The following SYNE2 variants were observed in gnomAD, a reference collection of about 807,000 sequenced individuals.
SYNE2 encodes nesprin-2.
A neutral mutation model predicts 856.3 loss-of-function variants in SYNE2; 431 were observed. That is an observed-to-expected ratio of 0.50 (90% CI 0.47 to 0.55). The LOEUF (loss-of-function observed/expected upper bound fraction) is 0.55, where lower values mean the gene tolerates loss of function less well. Ranked by LOEUF, SYNE2 falls within the 20% of genes least tolerant of loss-of-function variation. The pLI is 0.00. For missense variants in SYNE2, 8,129 were observed against 8,023.2 expected, an observed-to-expected ratio of 1.01 and a Z score of -0.50; for synonymous variants, 2,923 against 2,872.3, an observed-to-expected ratio of 1.02 and a Z score of -0.56.
intron 66 of SYNE2, among the ~76,000 whole-genome samples, chr14:64,116,965 G>A (rs1161184783): frequency 6.6e-6 from 1 of 152,190 alleles, no homozygotes; most frequent in Non-Finnish European, 1.5e-5. Context: ...TTTGTTTATA[G>A]CCACTGTACA....
At chr14:64,119,388 GAAC>G in intron 66 of SYNE2, 36 bp from the exon 67 acceptor site, 1 of 1,612,026 alleles carries the variant, frequency 6.2e-7, no homozygotes, top group Non-Finnish European at 8.5e-7. Context: ...ACTTCTTCAA[GAAC>G]AACATTATGA....
At position 63,948,780 on chromosome 14, in the gene SYNE2, GTGTATATATATATATA is replaced by G. The variant is rs1186611116; in HGVS notation, c.409-1043_409-1028del. On this transcript the variant is annotated intron_variant, in intron 6 of 115. Coordinates refer to ENST00000555002, the MANE Select transcript of SYNE2 (RefSeq NM_182914.3). Reference sequence around the variant, plus strand: ...TATATGTATATATATGTATGTGTGTGTGTATATATATATATATATATATATATATATATATATATAT... The same window carrying G: ...TATATGTATATATATGTATGTGTGTGTATATATATATATATATATATATAT... Among the ~76,000 whole-genome samples the G allele has an allele frequency of 2.0e-4, 16 of 81,992 alleles. No individual in the cohort carries two copies. The East Asian group carries it at 2.1e-3, about 11-fold the overall frequency. The allele number at this position is 81,992 out of a possible 152,430, so 53.8% of individuals were successfully genotyped here. A position where few individuals can be genotyped will look rare whatever the true frequency, so the allele number is the denominator to read the frequency against.
At position 64,010,085 on chromosome 14, in the gene SYNE2, GAAAGGAGAACCTGAAGA is replaced by G. The variant is rs779747866; in HGVS notation, c.4704_4720del (p.Glu1568AspfsTer5). 1 of 1,613,616 alleles carries G rather than the reference GAAAGGAGAACCTGAAGA, an allele frequency of 6.2e-7. No individual in the cohort carries two copies. The highest frequency in any genetic ancestry group is 1.1e-5 in the South Asian group (1 of 90,954). ...ATCTCCCTGCAGGCTTCGTACATGGGAAAGGAGAACCTGAAGAAAAGGATAGCAGAGGTGAGTCCAGG... is the reference window on the plus strand; with the variant it reads ...ATCTCCCTGCAGGCTTCGTACATGGGAAAGGATAGCAGAGGTGAGTCCAGG... On this transcript the variant is annotated frameshift_variant, in exon 32 of 116. Transcript: ENST00000555002. LOFTEE classifies it high-confidence loss of function.
chr14:63,988,118 C>G (rs1370588963), intron 19 of SYNE2, among the ~76,000 whole-genome samples: 2 of 152,196 alleles, frequency 1.3e-5, no homozygotes, highest in African/African-American at 2.4e-5. Context: ...GGGTTCTGCT[C>G]TGTCACCCAG....
At chr14:64,111,009 T>C (rs2097801809) in intron 65 of SYNE2, among the ~76,000 whole-genome samples, 1 of 152,116 alleles carries the variant, frequency 6.6e-6, no homozygotes, top group Admixed American at 6.6e-5. Context: ...GCAGCTTGCT[T>C]ATTTCCTCAT....
rs974577694 is a variant in SYNE2, at chr14:63,921,651, T to A, written c.79+12424T>A. Among the ~76,000 whole-genome samples the A allele has an allele frequency of 4.6e-5, 7 of 152,198 alleles. No individual in the cohort carries two copies. In the East Asian group the frequency reaches 1.3e-3, roughly 29 times the overall value. ...CATTAGGTTCAACAATGGAAATACG[T>A]AAGTGGCCTAGGTGAGAATTAGGTA... is the stretch of plus-strand genomic sequence containing the variant. On this transcript the variant is annotated intron_variant, in intron 2 of 115. Coordinates refer to ENST00000555002, the MANE Select transcript of SYNE2 (RefSeq NM_182914.3).
chr14:64,111,132 G>T (rs541933390), intron 65 of SYNE2, among the ~76,000 whole-genome samples: 1 of 148,914 alleles, frequency 6.7e-6, no homozygotes, highest in Non-Finnish European at 1.5e-5. Flanking sequence ...TTGAGAGGCC[G>T]AGGCAGGAGG....
In SYNE2 at chr14:64,049,772, A is replaced by G. The variant is rs1310954703; in HGVS notation, c.7539A>G (p.Lys2513=). The change falls in exon 47 of 116, where the codon AAA becomes AAG. Residue 2513 remains lysine (K), a synonymous_variant. Transcript: ENST00000555002. ...TTCAGGCACTTATTACTTTGAAGAA[A>G]AACAAAGAAAGCCAATATTGTGTCC... ...NLLQALITLK[K]NKESQYCVLR... 6.2e-7 allele frequency: 1 copy of G among 1,614,152 alleles called. No homozygotes were observed. The highest frequency in any genetic ancestry group is 2.2e-5 in the East Asian group (1 of 44,870).
At chr14:63,989,149 A>C (rs1394702587) in intron 19 of SYNE2, among the ~76,000 whole-genome samples, 1 of 152,248 alleles carries the variant, frequency 6.6e-6, no homozygotes, top group East Asian at 1.9e-4. Context: ...TGGCATTTTT[A>C]AAATTGAATT....
chr14:64,031,484 A>G (rs367846924), intron 45 of SYNE2, 127 bp downstream of exon 45: 13 of 845,832 alleles, frequency 1.5e-5, no homozygotes, highest in Admixed American at 2.2e-5. Flanking sequence ...CTGGCTATTT[A>G]TGAAGCCTAC....
At chr14:64,133,245 T>C (rs1177960412) in intron 77 of SYNE2, among the ~76,000 whole-genome samples, 2 of 151,948 alleles carry the variant, frequency 1.3e-5, no homozygotes, top group Non-Finnish European at 2.9e-5. Context: ...TTTAACTTGA[T>C]AGTGTAATAT....
chr14:64,186,312 C>T (rs563486635), intron 96 of SYNE2, 112 bp from the exon 97 acceptor site: 2 of 1,416,502 alleles, frequency 1.4e-6, no homozygotes, highest in East Asian at 4.6e-5. Flanking sequence ...GTCCCTCCCT[C>T]TCTCCTGGCC....
chr14:64,127,976 A>G (rs151119448), intron 73 of SYNE2, among the ~76,000 whole-genome samples: 4 of 152,346 alleles, frequency 2.6e-5, no homozygotes, highest in African/African-American at 9.6e-5. Flanking sequence ...TCTAAGATGT[A>G]TTTATCCATC....
rs748011744 is a variant in SYNE2 at position 63,978,953 on chromosome 14, A to G, written c.1508A>G (p.Asp503Gly). 2 of 1,613,726 alleles carry G rather than the reference A, an allele frequency of 1.2e-6. No homozygotes were observed. Among genetic ancestry groups the G allele is most frequent in the Non-Finnish European group, 1.7e-6 (2 of 1,179,742 alleles). The change falls in exon 14 of 116, where the codon GAT (aspartate) becomes GGT (glycine). Residue 503 changes from aspartate to glycine, a missense_variant. By Grantham distance (94) the Asp-to-Gly change is moderately conservative. This residue lies in a region of SYNE2 where 2,422 missense variants were observed against 2,357.4 expected (regional missense o/e 1.03). Coordinates refer to ENST00000555002, the MANE Select transcript of SYNE2 (RefSeq NM_182914.3). Reference sequence around the variant, plus strand: ...GTAGATGAAGTGAAATCAAAATTGGATATTTGGAACATTAAATATGGGAGC... The same window carrying G: ...GTAGATGAAGTGAAATCAAAATTGGGTATTTGGAACATTAAATATGGGAGC... ...GLVDEVKSKL[D>G]IWNIKYGSRE...
At chr14:64,044,030 C>G (rs185186359) in intron 45 of SYNE2, among the ~76,000 whole-genome samples, 1 of 152,216 alleles carries the variant, frequency 6.6e-6, no homozygotes, top group South Asian at 2.1e-4. Context: ...GCAAATGCCA[C>G]TGTCCTCCAG....
Position 64,081,206 on chromosome 14 carries a change from AG to A in SYNE2, c.11347-235del, listed in dbSNP as rs548732290. Reference sequence around the variant, plus strand: ...GCAAGGCTAACCCAGAACTTTGCTGAGGCCCATAACGTTGGAGTAGAACTGA... The same window carrying A: ...GCAAGGCTAACCCAGAACTTTGCTGAGCCCATAACGTTGGAGTAGAACTGA... On this transcript the variant is annotated intron_variant, in intron 56 of 115. Coordinates refer to ENST00000555002, the MANE Select transcript of SYNE2 (RefSeq NM_182914.3). 8.3e-4 allele frequency among the ~76,000 whole-genome samples: 126 copies of A among 152,348 alleles called. 2 individuals are homozygous for A. The South Asian group carries it at 0.023, about 28-fold the overall frequency.
chr14:64,087,113 G>T (rs199733891), intron 57 of SYNE2, among the ~76,000 whole-genome samples: 1 of 37,830 alleles, frequency 2.6e-5, no homozygotes, highest in Admixed American at 2.4e-4. Flanking sequence ...AAAAAAAAAA[G>T]CATTGGTTTT....
intron 80 of SYNE2, among the ~76,000 whole-genome samples, 178 bp from the exon 81 acceptor site, chr14:64,141,163 C>G (rs1401201860): frequency 6.6e-6 from 1 of 152,060 alleles, no homozygotes; most frequent in Non-Finnish European, 1.5e-5. Context: ...CATTCCATCT[C>G]TTTTGTTCCC....
intron 36 of SYNE2, 69 bp from the exon 37 acceptor site, chr14:64,021,788 A>G (rs908822177): frequency 6.5e-6 from 10 of 1,530,730 alleles, no homozygotes; most frequent in African/African-American, 2.7e-5. Context: ...AACAATTGAG[A>G]TCTAATATGC....
Sources: allele counts gnomAD v4.1 joint callset (sites outside exome capture counted in the v4.1 genomes callset), GRCh38; gene constraint gnomAD v4.1.1; regional missense constraint gnomAD v4.1.1; transcripts MANE v1.5; gene names NCBI Gene and HGNC (gene_info 2026-07-23, HGNC 2026-07-21).